Variants in OXA1L observed in about 807,000 individuals in gnomAD.
OXA1L encodes OXA1L mitochondrial inner membrane insertase.
In OXA1L, 42 loss-of-function variants were observed where a neutral mutation model predicts 52.2. The ratio of observed to expected loss-of-function variants is 0.80; its 90% confidence interval spans 0.63 to 1.04. The LOEUF (loss-of-function observed/expected upper bound fraction) is 1.04, where lower values mean the gene tolerates loss of function less well. Among genes scored for constraint, OXA1L ranks in the 50% least tolerant of loss-of-function variants. The pLI, the probability that OXA1L is intolerant of heterozygous loss-of-function variation, is 0.00. For synonymous variants in OXA1L, 239 were observed against 201.9 expected, an observed-to-expected ratio of 1.18 and a Z score of -1.56; for missense variants, 572 against 555.0, an observed-to-expected ratio of 1.03 and a Z score of -0.31.
chr14:22,770,324 A>G (rs1290960161), intron 5 of OXA1L, 46 bp downstream of exon 5: 1 of 1,535,822 alleles, frequency 6.5e-7, no homozygotes, highest in Non-Finnish European at 9.0e-7. Context: ...TACCCATGAA[A>G]TTTCCTCTCT....
chr14:22,770,102 T>C, intron 4 of OXA1L, 91 bp from the exon 5 acceptor site: 1 of 1,349,922 alleles, frequency 7.4e-7, no homozygotes. Flanking sequence ...CAGGGTTGGT[T>C]AGAAATTTCA....
At position 22,769,712 on chromosome 14, in the gene OXA1L, A is replaced by G. The variant is rs999580590; in HGVS notation, c.440-79A>G. On this transcript the variant is annotated intron_variant, in intron 3 of 9. Coordinates refer to ENST00000612549, the MANE Select transcript of OXA1L (RefSeq NM_005015.5). ...GACAAGGCAAGAATAAGACCCTTTCAGTAAGGACCTAAAAGCCTTCAACCT... is the reference window on the plus strand; with the variant it reads ...GACAAGGCAAGAATAAGACCCTTTCGGTAAGGACCTAAAAGCCTTCAACCT... The G allele has an allele frequency of 2.1e-5, 31 of 1,458,326 alleles. No homozygotes were observed. The Admixed American group carries it at 3.8e-4, about 18-fold the overall frequency. 90.3% of individuals were successfully genotyped at this position (1,458,326 alleles called of 1,614,324 possible). A position where few individuals can be genotyped will look rare whatever the true frequency, so the allele number is the denominator to read the frequency against.
At position 22,769,907 on chromosome 14, in the gene OXA1L, G is replaced by A. The variant is rs770712921; in HGVS notation, c.556G>A (p.Ala186Thr). ...IQKFSSRIRE[A>T]KLAGDHIEYY... ...GAAGTTTTCCAGTCGAATCAGAGAGGCCAAGTTAGCAGGAGACCATATTGA... is the reference window on the plus strand; with the variant it reads ...GAAGTTTTCCAGTCGAATCAGAGAGACCAAGTTAGCAGGAGACCATATTGA... The change falls in exon 4 of 10, where the codon GCC becomes ACC. Residue 186 changes from alanine to threonine, a missense_variant. This residue lies in a region of OXA1L where 132 missense variants were observed against 124.0 expected (regional missense o/e 1.06). Coordinates refer to ENST00000612549, the MANE Select transcript of OXA1L (RefSeq NM_005015.5). 1.7e-5 allele frequency: 28 copies of A among 1,614,054 alleles called. No homozygotes were observed. In the South Asian group the frequency reaches 2.0e-4, roughly 11 times the overall value.
rs113046393 is a variant in OXA1L at position 22,771,890 on chromosome 14, A to G, written c.*332A>G. The G allele has an allele frequency of 0.031, 7,485 of 240,638 alleles. 522 individuals are homozygous for G. The highest frequency in any genetic ancestry group is 0.15 in the African/African-American group (6,819 of 44,620). 14.9% of individuals were successfully genotyped at this position (240,638 alleles called of 1,614,324 possible). A position where few individuals can be genotyped will look rare whatever the true frequency, so the allele number is the denominator to read the frequency against. ...CGAGGTGGGTGGATCACCTGAGATC[A>G]GGAGTTTGAGACCAGCCTGGCCAAC... On this transcript the variant is annotated 3_prime_UTR_variant, in exon 10 of 10. Transcript: ENST00000612549.
Position 22,770,284 on chromosome 14 carries a change from C to A in OXA1L, c.669+6C>A, listed in dbSNP as rs916241914. ...TCATTCTCCCTGTGACTCAGGTGAGCAAAAACATTTCCTTCCTTATTTCAT... is the reference window on the plus strand; with the variant it reads ...TCATTCTCCCTGTGACTCAGGTGAGAAAAAACATTTCCTTCCTTATTTCAT... On this transcript the variant is annotated splice_donor_region_variant and intron_variant, in intron 5 of 9. Transcript: ENST00000612549. 6.3e-7 allele frequency: 1 copy of A among 1,590,832 alleles called. No individual in the cohort carries two copies. Among genetic ancestry groups the A allele is most frequent in the Non-Finnish European group, 8.6e-7 (1 of 1,158,930 alleles).
chr14:22,771,433 G>C lies in OXA1L; in HGVS notation c.1184-1G>C. On this transcript the variant is annotated splice_acceptor_variant, in intron 9 of 9. Coordinates refer to ENST00000612549, the MANE Select transcript of OXA1L (RefSeq NM_005015.5). LOFTEE classifies it high-confidence loss of function. ...AAATTTGTTTTCTCTTCTCCCCTCAGGTCCTTTACGACAGACCTTTACCCA... is the reference window on the plus strand; with the variant it reads ...AAATTTGTTTTCTCTTCTCCCCTCACGTCCTTTACGACAGACCTTTACCCA... 1.2e-6 allele frequency: 2 copies of C among 1,614,096 alleles called. No homozygotes were observed. The highest frequency in any genetic ancestry group is 1.7e-6 in the Non-Finnish European group (2 of 1,180,030).
At position 22,766,760 on chromosome 14, in the gene OXA1L, G is replaced by A; in HGVS notation, c.59G>A (p.Arg20His). The change falls in exon 1 of 10, where the codon CGT becomes CAT. Residue 20 changes from arginine to histidine, a missense_variant. Transcript: ENST00000612549. ...CTTCTGCGCTTGCTACAGTCCGGGC[G>A]TCGGGTAAGGATGCCCCGGGGCAGA... ...RELLRLLQSG[R>H]RVHSVAGPSQ... 2 of 1,614,208 alleles carry A rather than the reference G, an allele frequency of 1.2e-6. No individual in the cohort carries two copies. The highest frequency in any genetic ancestry group is 1.7e-6 in the Non-Finnish European group (2 of 1,180,042).
intron 2 of OXA1L, 124 bp from the exon 3 acceptor site, chr14:22,767,834 C>T: frequency 1.4e-6 from 1 of 703,050 alleles, no homozygotes; most frequent in East Asian, 2.7e-5. Context: ...TCTGCAGACA[C>T]TAGGCTAACC....
Position 22,770,171 on chromosome 14 carries a change from T to G in OXA1L, c.584-22T>G, listed in dbSNP as rs777255614. Reference sequence around the variant, plus strand: ...ACTGATGTAACTGTTACCCCAACCATTAATTTCCCCTCACCTCACAGATTA... The same window carrying G: ...ACTGATGTAACTGTTACCCCAACCAGTAATTTCCCCTCACCTCACAGATTA... On this transcript the variant is annotated intron_variant, in intron 4 of 9. Transcript: ENST00000612549. The G allele has an allele frequency of 1.7e-5, 27 of 1,558,464 alleles. No homozygotes were observed. In the South Asian group the frequency reaches 2.9e-4, roughly 17 times the overall value.
chr14:22,767,688 T>C (rs1179038793), intron 2 of OXA1L: 6 of 498,632 alleles, frequency 1.2e-5, no homozygotes, highest in Non-Finnish European at 2.1e-5. Flanking sequence ...GATAGTGATA[T>C]TCAAATGGCT....
At position 22,771,534 on chromosome 14, in the gene OXA1L, T is replaced by G; in HGVS notation, c.1284T>G (p.Tyr428Ter). ...GCAGCAGCAAACCAAAGTCAAAGTA[T>G]CCCTGGCACGACACACTTGGCTGAC... The part of the protein sequence containing the change: ...PSSSSKPKSK[Y>*]PWHDTLG Residue 428 changes from tyrosine (Y) to a stop codon, truncating the protein, a stop_gained, in exon 10 of 10, where the codon TAT becomes TAG. Transcript: ENST00000612549. LOFTEE classifies it high-confidence loss of function. The G allele has an allele frequency of 1.9e-6, 3 of 1,614,154 alleles. No individual in the cohort carries two copies. The highest frequency in any genetic ancestry group is 2.5e-6 in the Non-Finnish European group (3 of 1,180,026).
chr14:22,772,178 C>T lies in OXA1L; in HGVS notation c.*620C>T, dbSNP rs1203362591. On this transcript the variant is annotated 3_prime_UTR_variant, in exon 10 of 10. Transcript: ENST00000612549. Reference sequence around the variant, plus strand: ...GCCTTGGAAAATATAATGTTTTAACCTGGCATTAAGGGTTTAAACTTCCAC... The same window carrying T: ...GCCTTGGAAAATATAATGTTTTAACTTGGCATTAAGGGTTTAAACTTCCAC... The T allele has an allele frequency of 6.6e-6, 1 of 152,288 alleles. No homozygotes were observed. Among genetic ancestry groups the T allele is most frequent in the African/African-American group, 2.4e-5 (1 of 41,342 alleles). 9.4% of individuals were successfully genotyped at this position (152,288 alleles called of 1,614,324 possible).
intron 6 of OXA1L, 53 bp from the exon 7 acceptor site, chr14:22,770,752 A>G: frequency 6.4e-7 from 1 of 1,565,512 alleles, no homozygotes; most frequent in Admixed American, 1.7e-5. Context: ...TTAGAGACAG[A>G]TTCACTGAAA....
At chr14:22,767,451 C>A in intron 2 of OXA1L, 42 bp downstream of exon 2, 1 of 1,539,276 alleles carries the variant, frequency 6.5e-7, no homozygotes, top group Non-Finnish European at 8.8e-7. Context: ...AGTGGTGTTT[C>A]CTGGTTGGTT....
At chr14:22,767,514 C>G in intron 2 of OXA1L, 105 bp downstream of exon 2, 1 of 913,766 alleles carries the variant, frequency 1.1e-6, no homozygotes, top group South Asian at 1.7e-5. Flanking sequence ...AGTTCTTGTC[C>G]ACGCTCCACA....
rs17619 is a variant in OXA1L at position 22,768,003 on chromosome 14, G to A, written c.271G>A (p.Val91Ile). The change falls in exon 3 of 10, where the codon GTA becomes ATA. Residue 91 changes from valine (V) to isoleucine (I), a missense_variant. Coordinates refer to ENST00000612549, the MANE Select transcript of OXA1L (RefSeq NM_005015.5). ...TGCTGCAACTCCCTCACCCACAGCA[G>A]TACCTGAGGTGGCTTCTGGAGAGAC... ...VVAATPSPTA[V>I]PEVASGETAD... The A allele has an allele frequency of 0.04, 64,519 of 1,614,076 alleles. 4,599 individuals are homozygous for A. The highest frequency in any genetic ancestry group is 0.31 in the African/African-American group (23,203 of 74,986).
chr14:22,768,079 T>A lies in OXA1L; in HGVS notation c.347T>A (p.Leu116Gln), dbSNP rs11553401. The A allele has an allele frequency of 6.8e-6, 11 of 1,614,076 alleles. 1 individual carries two copies. In the South Asian group the frequency reaches 7.7e-5, roughly 11 times the overall value. Residue 116 changes from leucine to glutamine, a missense_variant, in exon 3 of 10, where the codon CTG becomes CAG. Physicochemically the swap from Leu to Gln is moderately radical, Grantham distance 113 (BLOSUM62 -2). Transcript: ENST00000612549. ...AAEQSFAELG[L>Q]GSYTPVGLIQ... ...GAGCAGAGCTTCGCTGAACTGGGGC[T>A]GGGGTCATACACCCCAGTGGGACTG...
chr14:22,767,180 C>G lies in OXA1L; in HGVS notation c.64-68C>G. 2.6e-6 allele frequency: 4 copies of G among 1,559,502 alleles called. No homozygotes were observed. The South Asian group carries it at 4.7e-5, about 18-fold the overall frequency. On this transcript the variant is annotated intron_variant, in intron 1 of 9. Transcript: ENST00000612549. Reference sequence around the variant, plus strand: ...TTCTTGGGGAGTTAGCATAATGAATCCCGTTTGCACCCACGCGAGGACTTC... The same window carrying G: ...TTCTTGGGGAGTTAGCATAATGAATGCCGTTTGCACCCACGCGAGGACTTC...
Position 22,770,557 on chromosome 14 carries a change from C to G in OXA1L, c.766C>G (p.Leu256Val). Residue 256 changes from leucine (L) to valine (V), a missense_variant, in exon 6 of 10, where the codon CTC (leucine) becomes GTC (valine). This residue lies in a region of OXA1L where 244 missense variants were observed against 240.2 expected (regional missense o/e 1.02). Coordinates refer to ENST00000612549, the MANE Select transcript of OXA1L (RefSeq NM_005015.5). ...QTGGLWWFQDLTVSDPIYILP... is the reference protein window; with the variant it reads ...QTGGLWWFQDVTVSDPIYILP... ...AGGTGGCCTCTGGTGGTTCCAGGATCTCACGGTATCCGATCCCATCTACAT... is the reference window on the plus strand; with the variant it reads ...AGGTGGCCTCTGGTGGTTCCAGGATGTCACGGTATCCGATCCCATCTACAT... 1 of 1,614,188 alleles carries G rather than the reference C, an allele frequency of 6.2e-7. No individual in the cohort carries two copies. Among genetic ancestry groups the G allele is most frequent in the Non-Finnish European group, 8.5e-7 (1 of 1,180,002 alleles).
Sources: allele counts gnomAD v4.1 joint callset, GRCh38; gene constraint gnomAD v4.1.1; regional missense constraint gnomAD v4.1.1; transcripts MANE v1.5; gene names NCBI Gene and HGNC (gene_info 2026-07-23, HGNC 2026-07-21).